TASP1: variants seen among roughly 807,000 people sequenced by gnomAD.
TASP1 encodes taspase 1.
In TASP1, 16 loss-of-function variants were observed where a neutral mutation model predicts 56.6. The ratio of observed to expected loss-of-function variants is 0.28; its 90% confidence interval spans 0.19 to 0.43. The LOEUF (loss-of-function observed/expected upper bound fraction) is 0.43, where lower values mean the gene tolerates loss of function less well. Among genes scored for constraint, TASP1 ranks in the 20% least tolerant of loss-of-function variants. TASP1 has a pLI of 1.00. For synonymous variants in TASP1, 179 were observed against 184.2 expected (o/e 0.97, Z 0.23); for missense variants, 393 against 511.6 (o/e 0.77, Z 2.24).
At chr20:13,612,038 A>G (rs563492431) in intron 4 of TASP1, among the ~76,000 whole-genome samples, 1 of 152,302 alleles carries the variant, frequency 6.6e-6, no homozygotes, top group South Asian at 2.1e-4. Context: ...AGTTTTCCAT[A>G]CAATACAGGT....
the TASP1 span, chr20:13,168,099 T>C: frequency 6.6e-6 from 1 of 152,130 alleles, no homozygotes; most frequent in African/African-American, 2.4e-5. Context: ...TTGGGTAAAA[T>C]TATGCCTTCT....
At chr20:13,388,209 T>A (rs1392051836), downstream of TASP1, among the ~76,000 whole-genome samples, 1 of 152,258 alleles carries the variant, frequency 6.6e-6, no homozygotes, top group South Asian at 2.1e-4. Context: ...TATTTTCTCA[T>A]CTGTTTCTAC....
chr20:13,327,777 C>T, the TASP1 span, among the ~76,000 whole-genome samples: 1 of 152,110 alleles, frequency 6.6e-6, no homozygotes, highest in Non-Finnish European at 1.5e-5. Flanking sequence ...AACTGGACCC[C>T]TTCACTACGC....
the TASP1 span, among the ~76,000 whole-genome samples, chr20:13,116,447 G>T: frequency 6.6e-6 from 1 of 152,124 alleles, no homozygotes; most frequent in Non-Finnish European, 1.5e-5. Context: ...TCTGAGAACT[G>T]ATTACTGTCA....
rs1241627078 is a variant in TASP1 at position 13,389,452 on chromosome 20, A to G, written c.*908T>C. The G allele has an allele frequency of 6.6e-6, 1 of 152,284 alleles. No individual in the cohort carries two copies. The highest frequency in any genetic ancestry group is 1.5e-5 in the Non-Finnish European group (1 of 68,034). 9.4% of individuals were successfully genotyped at this position (152,284 alleles called of 1,614,324 possible). On this transcript the variant is annotated 3_prime_UTR_variant, in exon 14 of 14. Coordinates refer to ENST00000337743, the MANE Select transcript of TASP1 (RefSeq NM_017714.3). ...GAGGAGTCACATACTATACCCAGTA[A>G]TACGCTTCTTTTATTTTTGTGCCTT... is the stretch of plus-strand genomic sequence containing the variant.
intron 11 of TASP1, among the ~76,000 whole-genome samples, chr20:13,457,131 G>A (rs1267394412): frequency 2.6e-5 from 4 of 151,994 alleles, no homozygotes; most frequent in Non-Finnish European, 5.9e-5. Flanking sequence ...GGGGATGGGG[G>A]ACTGGGGGAG....
intron 8 of TASP1, among the ~76,000 whole-genome samples, chr20:13,541,615 C>A (rs1447992644): frequency 6.6e-6 from 1 of 152,088 alleles, no homozygotes; most frequent in Non-Finnish European, 1.5e-5. Context: ...GCCCATCTCT[C>A]TGACAAGATG....
At chr20:13,304,362 G>A in the TASP1 span, among the ~76,000 whole-genome samples, 1 of 152,190 alleles carries the variant, frequency 6.6e-6, no homozygotes, top group African/African-American at 2.4e-5. Flanking sequence ...CGGTCATGGG[G>A]AGAGGTCCTT....
At chr20:13,373,173 C>T in the TASP1 span, among the ~76,000 whole-genome samples, 2 of 151,974 alleles carry the variant, frequency 1.3e-5, no homozygotes, top group Non-Finnish European at 2.9e-5. Flanking sequence ...TACAACTCTG[C>T]CTCCACCCAT....
intron 7 of TASP1, among the ~76,000 whole-genome samples, chr20:13,561,613 C>T (rs543225169): frequency 6.6e-6 from 1 of 152,192 alleles, no homozygotes; most frequent in South Asian, 2.1e-4. Context: ...GTGATTCGCC[C>T]GCATCAGCCT....
chr20:13,194,122 T>C, the TASP1 span, among the ~76,000 whole-genome samples: 1 of 152,188 alleles, frequency 6.6e-6, no homozygotes, highest in African/African-American at 2.4e-5. Context: ...TTTTCTTCTT[T>C]TGTTGTCTAA....
the TASP1 span, among the ~76,000 whole-genome samples, chr20:13,201,035 A>C: frequency 6.6e-6 from 1 of 152,246 alleles, no homozygotes; most frequent in South Asian, 2.1e-4. Context: ...AACAAAACTG[A>C]GTCTGAATGA....
chr20:13,500,988 A>G (rs1601019322), intron 10 of TASP1, among the ~76,000 whole-genome samples: 1 of 152,074 alleles, frequency 6.6e-6, no homozygotes, highest in African/African-American at 2.4e-5. Context: ...AACACATGGG[A>G]AAAAAAGATA....
At chr20:13,613,402 G>A (rs556369733) in intron 4 of TASP1, among the ~76,000 whole-genome samples, 21 of 152,156 alleles carry the variant, frequency 1.4e-4, no homozygotes, top group East Asian at 9.7e-4. Context: ...GTGTTGTGCC[G>A]AAAACACAGA....
At chr20:13,266,830 C>A in the TASP1 span, among the ~76,000 whole-genome samples, 1 of 152,162 alleles carries the variant, frequency 6.6e-6, no homozygotes, top group Non-Finnish European at 1.5e-5. Flanking sequence ...TCTTGAAAAT[C>A]TTTACTCTGC....
chr20:13,599,055 TAAG>T lies in TASP1; in HGVS notation c.283-11688_283-11686del, dbSNP rs760388767. Among the ~76,000 whole-genome samples the T allele has an allele frequency of 6.8e-4, 104 of 152,260 alleles. 1 individual carries two copies. The highest frequency in any genetic ancestry group is 2.3e-3 in the African/African-American group (96 of 41,552). ...AGATGCTGGAGAGGATGTGGAGAAA[TAAG>T]AACGCTTTTACACTGTTGGTGGGAG... is the stretch of plus-strand genomic sequence containing the variant. On this transcript the variant is annotated intron_variant, in intron 4 of 13. Transcript: ENST00000337743.
chr20:13,286,713 GTGTT>G, the TASP1 span, among the ~76,000 whole-genome samples: 5 of 152,200 alleles, frequency 3.3e-5, no homozygotes, highest in African/African-American at 4.8e-5. Flanking sequence ...CCACAGCCCT[GTGTT>G]TGCCTGAGGC....
chr20:13,534,734 A>G (rs2045350604), intron 8 of TASP1, among the ~76,000 whole-genome samples: 1 of 152,178 alleles, frequency 6.6e-6, no homozygotes, highest in African/African-American at 2.4e-5. Flanking sequence ...ATTGTATGGC[A>G]GAAAAGTGTA....
chr20:13,380,059 G>A, the TASP1 span, among the ~76,000 whole-genome samples: 2 of 152,110 alleles, frequency 1.3e-5, no homozygotes, highest in African/African-American at 4.8e-5. Flanking sequence ...CCCACCTTCT[G>A]AAGCCTATTT....
Sources: gnomAD v4.1 joint callset for allele counts (sites outside exome capture counted in the v4.1 genomes callset) on GRCh38, gnomAD v4.1.1 for gene constraint, MANE v1.5 for transcripts, NCBI Gene and HGNC (gene_info 2026-07-23, HGNC 2026-07-21) for gene names.